The following GRM8 variants were observed in gnomAD, a reference collection of about 807,000 sequenced individuals.
GRM8 encodes metabotropic glutamate receptor 8.
Under a neutral mutation model 87.2 loss-of-function variants are expected in GRM8, and 47 were observed. The observed-to-expected ratio is 0.54, with a 90% CI of 0.43 to 0.69. GRM8 has a LOEUF of 0.69. Among genes scored for constraint, GRM8 ranks in the 30% least tolerant of loss-of-function variants. GRM8 has a pLI of 0.00. For missense variants in GRM8, 1,019 were observed against 1,139.2 expected (o/e 0.89, Z 1.52); for synonymous variants, 396 against 404.5 (o/e 0.98, Z 0.25).
In GRM8 at chr7:126,590,547, A is replaced by T. The variant is rs1458596548; in HGVS notation, c.1494+18815T>A. Among the ~76,000 whole-genome samples, 4 of 152,286 alleles carry T rather than the reference A, an allele frequency of 2.6e-5. No individual in the cohort carries two copies. In the East Asian group the frequency reaches 7.7e-4, roughly 29 times the overall value. ...AACACCTGGGAAATTCATCATAAAAAGATTATCACCTATACACATTGTCAT... is the reference window on the plus strand; with the variant it reads ...AACACCTGGGAAATTCATCATAAAATGATTATCACCTATACACATTGTCAT... On this transcript the variant is annotated intron_variant, in intron 8 of 10. Transcript: ENST00000339582.
intron 3 of GRM8, among the ~76,000 whole-genome samples, chr7:126,986,652 GA>G (rs1812102879): frequency 6.6e-6 from 1 of 151,986 alleles, no homozygotes; most frequent in African/African-American, 2.4e-5. Flanking sequence ...TTAATATACA[GA>G]AATAATTTCC....
chr7:126,947,463 T>A (rs1304422806), intron 3 of GRM8, among the ~76,000 whole-genome samples: 1 of 152,094 alleles, frequency 6.6e-6, no homozygotes, highest in Non-Finnish European at 1.5e-5. Flanking sequence ...TTCAGACCAG[T>A]GCTGGGATTT....
chr7:126,469,414 G>T (rs1804886174), intron 9 of GRM8, among the ~76,000 whole-genome samples: 1 of 151,974 alleles, frequency 6.6e-6, no homozygotes, highest in Non-Finnish European at 1.5e-5. Context: ...AAATCAAAAT[G>T]ACCATTTCTC....
chr7:127,178,391 AG>A (rs774600469), intron 2 of GRM8, among the ~76,000 whole-genome samples: 21 of 152,342 alleles, frequency 1.4e-4, no homozygotes, highest in Non-Finnish European at 2.4e-4. Flanking sequence ...GGTGTTCCTG[AG>A]GAAGAATAGA....
chr7:126,645,533 T>C (rs748239390), intron 7 of GRM8, among the ~76,000 whole-genome samples: 23 of 152,108 alleles, frequency 1.5e-4, no homozygotes, highest in Non-Finnish European at 3.2e-4. Context: ...ATTAGGGAGG[T>C]TGAGTGATAG....
chr7:127,181,166 G>C (rs1455154153), intron 2 of GRM8, among the ~76,000 whole-genome samples: 1 of 151,986 alleles, frequency 6.6e-6, no homozygotes, highest in Non-Finnish European at 1.5e-5. Flanking sequence ...CAAGATTAAT[G>C]TATGAAAATC....
At chr7:126,489,068 C>A (rs7456207) in intron 9 of GRM8, among the ~76,000 whole-genome samples, 4 of 151,508 alleles carry the variant, frequency 2.6e-5, no homozygotes, top group Non-Finnish European at 5.9e-5. Flanking sequence ...TGGAAAAAAC[C>A]TAGGCTAGGA....
intron 7 of GRM8, among the ~76,000 whole-genome samples, chr7:126,731,354 A>G (rs1023142683): frequency 7.9e-5 from 12 of 152,138 alleles, no homozygotes; most frequent in African/African-American, 2.9e-4. Context: ...TGGAACTTGA[A>G]TCATGCCAGA....
At chr7:126,640,517 T>A (rs1355308786) in intron 7 of GRM8, among the ~76,000 whole-genome samples, 1 of 152,212 alleles carries the variant, frequency 6.6e-6, no homozygotes, top group Non-Finnish European at 1.5e-5. Context: ...TATATATTGA[T>A]TTATGTATAA....
chr7:127,178,544 T>C (rs113479691), intron 2 of GRM8, among the ~76,000 whole-genome samples: 3,158 of 152,264 alleles, frequency 0.021, 104 homozygotes, highest in African/African-American at 0.073. Context: ...CCTAGGCACA[T>C]TGTCATGAGG....
chr7:126,477,603 GAA>G (rs753389059), intron 9 of GRM8, among the ~76,000 whole-genome samples: 12 of 108,866 alleles, frequency 1.1e-4, no homozygotes, highest in African/African-American at 4.0e-4. Flanking sequence ...AAGAAAGAAA[GAA>G]AGAAAGAAAG....
At chr7:127,153,928 G>T (rs1463601851) in intron 2 of GRM8, among the ~76,000 whole-genome samples, 2 of 152,096 alleles carry the variant, frequency 1.3e-5, no homozygotes, top group African/African-American at 4.8e-5. Context: ...TTCAAGGTAG[G>T]TCACTGGTAC....
At chr7:127,012,961 C>T (rs1280950190) in intron 3 of GRM8, among the ~76,000 whole-genome samples, 1 of 152,140 alleles carries the variant, frequency 6.6e-6, no homozygotes, top group Non-Finnish European at 1.5e-5. Flanking sequence ...TATTCACACA[C>T]AGAGGGTGGC....
rs910946103 is a variant in GRM8 at position 126,701,701 on chromosome 7, A to G, written c.1357+68164T>C. 5 of 575,536 alleles carry G rather than the reference A, an allele frequency of 8.7e-6. No homozygotes were observed. The African/African-American group carries it at 9.8e-5, about 11-fold the overall frequency. The allele number at this position is 575,536 out of a possible 1,614,324, so 35.7% of individuals were successfully genotyped here. A position where few individuals can be genotyped will look rare whatever the true frequency, so the allele number is the denominator to read the frequency against. On this transcript the variant is annotated intron_variant, in intron 7 of 10. Transcript: ENST00000339582. ...TGTGAGAATTTTTTTTTAGTTTTAGAAATCCTACAAGAAGTATAAAACTAT... is the reference window on the plus strand; with the variant it reads ...TGTGAGAATTTTTTTTTAGTTTTAGGAATCCTACAAGAAGTATAAAACTAT...
chr7:126,681,695 T>G (rs991827287), intron 7 of GRM8, among the ~76,000 whole-genome samples: 1 of 152,210 alleles, frequency 6.6e-6, no homozygotes, highest in Non-Finnish European at 1.5e-5. Flanking sequence ...TGTATTTACT[T>G]TCAATTGCTA....
At chr7:126,824,463 C>A (rs1586084335) in intron 6 of GRM8, among the ~76,000 whole-genome samples, 1 of 152,318 alleles carries the variant, frequency 6.6e-6, no homozygotes, top group East Asian at 1.9e-4. Context: ...TGGCAGGTTT[C>A]TCCCCACTGC....
intron 8 of GRM8, among the ~76,000 whole-genome samples, chr7:126,575,592 T>C (rs984062213): frequency 4.6e-5 from 7 of 151,994 alleles, no homozygotes; most frequent in Admixed American, 1.3e-4. Context: ...GCTACTTGAC[T>C]CATGAGTTGT....
At chr7:126,482,499 A>G (rs982962526) in intron 9 of GRM8, among the ~76,000 whole-genome samples, 1 of 152,090 alleles carries the variant, frequency 6.6e-6, no homozygotes, top group Non-Finnish European at 1.5e-5. Flanking sequence ...ATACACTTCA[A>G]CATGAATGAA....
At chr7:127,163,844 T>C (rs565706536) in intron 2 of GRM8, among the ~76,000 whole-genome samples, 55 of 152,164 alleles carry the variant, frequency 3.6e-4, no homozygotes, top group African/African-American at 1.2e-3. Context: ...ATAAAAAAAA[T>C]GTTTAAGCAC....
Sources: allele counts gnomAD v4.1 joint callset (sites outside exome capture counted in the v4.1 genomes callset), GRCh38; gene constraint gnomAD v4.1.1; transcripts MANE v1.5; gene names NCBI Gene and HGNC (gene_info 2026-07-23, HGNC 2026-07-21).